RARG: variants seen among roughly 807,000 people sequenced by gnomAD.
RARG encodes the protein retinoic acid receptor gamma.
In RARG, 17 loss-of-function variants were observed where a neutral mutation model predicts 43.7. That is an observed-to-expected ratio of 0.39 (90% CI 0.27 to 0.58). The LOEUF (loss-of-function observed/expected upper bound fraction) is 0.58, where lower values mean the gene tolerates loss of function less well. Among genes scored for constraint, RARG ranks in the 20% least tolerant of loss-of-function variants. The pLI is 0.57. For synonymous variants in RARG, 238 were observed against 236.4 expected, an observed-to-expected ratio of 1.01 and a Z score of -0.06; for missense variants, 346 against 598.7, an observed-to-expected ratio of 0.58 and a Z score of 4.40.
chr12:53,223,614 G>T (rs967109524), intron 3 of RARG, among the ~76,000 whole-genome samples: 2 of 151,414 alleles, frequency 1.3e-5, no homozygotes, highest in Admixed American at 1.3e-4. Flanking sequence ...AGGAGAGACC[G>T]GGGAGGGGAG....
At chr12:53,221,852 C>G (rs1180025613) in intron 3 of RARG, among the ~76,000 whole-genome samples, 1 of 151,766 alleles carries the variant, frequency 6.6e-6, no homozygotes, top group Non-Finnish European at 1.5e-5. Flanking sequence ...CCCGGCCCTT[C>G]CCCCGCCAGG....
At chr12:53,218,858 G>C (rs1592436351) in intron 3 of RARG, among the ~76,000 whole-genome samples, 1 of 125,180 alleles carries the variant, frequency 8.0e-6, no homozygotes. Context: ...TCCCCGGGCC[G>C]TCCGCACCCA....
Position 53,211,597 on chromosome 12 carries a change from C to T in RARG, c.*79G>A. On this transcript the variant is annotated 3_prime_UTR_variant, in exon 10 of 10. Transcript: ENST00000425354. The surrounding 1 kb of genome is among the most constrained non-coding windows in gnomAD (Gnocchi z 4.6). ...GGAGAGGGCAGAGCAGGTCCTCCCC[C>T]AGTCACTGGCGGTCTGGGAGATGGT... 1 of 1,281,428 alleles carries T rather than the reference C, an allele frequency of 7.8e-7. No individual in the cohort carries two copies. The highest frequency in any genetic ancestry group is 1.0e-6 in the Non-Finnish European group (1 of 982,614). The allele number at this position is 1,281,428 out of a possible 1,614,324, so 79.4% of individuals were successfully genotyped here.
chr12:53,227,294 T>C lies in RARG; in HGVS notation c.184+68A>G. 2 of 1,445,834 alleles carry C rather than the reference T, an allele frequency of 1.4e-6. No homozygotes were observed. Among genetic ancestry groups the C allele is most frequent in the Non-Finnish European group, 1.8e-6 (2 of 1,085,100 alleles). 89.6% of individuals were successfully genotyped at this position (1,445,834 alleles called of 1,614,324 possible). ...TTCCTAACTGGGGTGCCAACTCTTTTACCATCCACCCTCCTGATGCCTTCT... is the reference window on the plus strand; with the variant it reads ...TTCCTAACTGGGGTGCCAACTCTTTCACCATCCACCCTCCTGATGCCTTCT... On this transcript the variant is annotated intron_variant, in intron 3 of 9. Coordinates refer to ENST00000425354, the MANE Select transcript of RARG (RefSeq NM_000966.6). The surrounding 1 kb of genome is among the most constrained non-coding windows in gnomAD (Gnocchi z 4.3).
At chr12:53,212,718 T>G (rs1942628333) in intron 9 of RARG, among the ~76,000 whole-genome samples, 1 of 145,420 alleles carries the variant, frequency 6.9e-6, no homozygotes, top group Non-Finnish European at 1.5e-5. Context: ...GCCCAAGACT[T>G]TGTCTCTAAA....
At chr12:53,219,339 A>G (rs965379146) in intron 3 of RARG, among the ~76,000 whole-genome samples, 2 of 151,906 alleles carry the variant, frequency 1.3e-5, no homozygotes, top group Non-Finnish European at 2.9e-5. Context: ...AACCTTTTCC[A>G]CCCGGCATGA....
chr12:53,226,489 G>C (rs573702457), intron 3 of RARG, among the ~76,000 whole-genome samples: 1 of 151,578 alleles, frequency 6.6e-6, no homozygotes, highest in Non-Finnish European at 1.5e-5. Flanking sequence ...CACCATACCC[G>C]GCTAATTTTT....
Position 53,215,447 on chromosome 12 carries a change from G to T in RARG, c.334-13C>A, listed in dbSNP as rs1395642289. ...GGCGAAAGAAGCCCTGGAGTTGAGG[G>T]AAAGAGAGAGGGCCTCTGAAGCACA... On this transcript the variant is annotated splice_polypyrimidine_tract_variant and intron_variant, in intron 4 of 9. Transcript: ENST00000425354. The surrounding 1 kb of genome is among the most constrained non-coding windows in gnomAD (Gnocchi z 6.4). 1.9e-6 allele frequency: 3 copies of T among 1,613,942 alleles called. 1 individual carries two copies. In the South Asian group the frequency reaches 3.3e-5, roughly 18 times the overall value.
intron 3 of RARG, among the ~76,000 whole-genome samples, chr12:53,222,345 A>G (rs1212540104): frequency 6.6e-6 from 1 of 152,246 alleles, no homozygotes; most frequent in East Asian, 1.9e-4. Flanking sequence ...TCAGAATCTG[A>G]CCAGCAGCAA....
intron 9 of RARG, 150 bp downstream of exon 9, chr12:53,212,935 G>A (rs1428368419): frequency 4.1e-6 from 4 of 980,696 alleles, no homozygotes; most frequent in Non-Finnish European, 4.4e-6. Flanking sequence ...TTTGCCCAAA[G>A]TCTCCCACTA....
intron 3 of RARG, among the ~76,000 whole-genome samples, chr12:53,218,445 C>T (rs888154020): frequency 6.6e-6 from 1 of 152,152 alleles, no homozygotes; most frequent in Non-Finnish European, 1.5e-5. Flanking sequence ...TCCATCTCAG[C>T]ACCCCCACAA....
intron 2 of RARG, among the ~76,000 whole-genome samples, chr12:53,228,025 A>T (rs1943149877): frequency 6.6e-6 from 1 of 152,238 alleles, no homozygotes; most frequent in African/African-American, 2.4e-5. Context: ...AGTCCTGTGA[A>T]CTGGGAGTTA....
At chr12:53,214,774 G>A in intron 5 of RARG, 168 bp from the exon 6 acceptor site, 1 of 782,382 alleles carries the variant, frequency 1.3e-6, no homozygotes, top group South Asian at 2.4e-5. Flanking sequence ...CTATTCCCAG[G>A]CTGGTTCTCC....
At chr12:53,216,989 G>A (rs1396800845) in intron 3 of RARG, among the ~76,000 whole-genome samples, 8 of 151,924 alleles carry the variant, frequency 5.3e-5, no homozygotes, top group Non-Finnish European at 1.0e-4. Flanking sequence ...TGTGTCCCAC[G>A]CACCCACCTC....
intron 3 of RARG, among the ~76,000 whole-genome samples, chr12:53,216,841 T>TGTGTGTGTGTGTGTGCGCGC (rs1430491578): frequency 3.1e-5 from 4 of 129,384 alleles, no homozygotes; most frequent in African/African-American, 1.4e-4. Flanking sequence ...TGTGTGTGTG[T>TGTGTGTGTGTGTGTGCGCGC]GCGCGCGCGC....
At chr12:53,222,516 G>T (rs1172553077) in intron 3 of RARG, among the ~76,000 whole-genome samples, 1 of 152,158 alleles carries the variant, frequency 6.6e-6, no homozygotes, top group African/African-American at 2.4e-5. Flanking sequence ...ATTAGAACCA[G>T]AAGTGGCCAG....
intron 2 of RARG, among the ~76,000 whole-genome samples, chr12:53,230,596 C>T (rs1943209214): frequency 6.6e-6 from 1 of 152,050 alleles, no homozygotes; most frequent in Non-Finnish European, 1.5e-5. Flanking sequence ...ACCCTTGAGT[C>T]TCCACCTCTC....
Position 53,227,622 on chromosome 12 carries a change from C to A in RARG, c.-77G>T. On this transcript the variant is annotated 5_prime_UTR_variant, in exon 3 of 10. Transcript: ENST00000425354. The surrounding 1 kb of genome is among the most constrained non-coding windows in gnomAD (Gnocchi z 4.3). ...TTCAGCCACAGCCCCTGCCCATGCC[C>A]ACTGCCCCAGCCTGGGAGGCTCCGT... 1 of 1,382,852 alleles carries A rather than the reference C, an allele frequency of 7.2e-7. No homozygotes were observed. Among genetic ancestry groups the A allele is most frequent in the South Asian group, 1.7e-5 (1 of 59,886 alleles). The allele number at this position is 1,382,852 out of a possible 1,614,324, so 85.7% of individuals were successfully genotyped here.
chr12:53,215,247 G>A lies in RARG; in HGVS notation c.475+46C>T, dbSNP rs755607618. On this transcript the variant is annotated intron_variant, in intron 5 of 9. Transcript: ENST00000425354. This position sits in a 1 kb window ranked among gnomAD's most constrained non-coding sequence, Gnocchi z 6.4. ...CAGAGGAAAGAGGGCCACAGCCATA[G>A]GGTAGGACCGAAGTGCTCCTGCCCA... 2.7e-5 allele frequency: 43 copies of A among 1,603,432 alleles called. No homozygotes were observed. The South Asian group carries it at 3.9e-4, about 15-fold the overall frequency.
Sources: allele counts gnomAD v4.1 joint callset (sites outside exome capture counted in the v4.1 genomes callset), GRCh38; gene constraint gnomAD v4.1.1; non-coding constraint Gnocchi (gnomAD v3.1); transcripts MANE v1.5; gene names NCBI Gene and HGNC (gene_info 2026-07-23, HGNC 2026-07-21).